The following FAT1 variants were observed in gnomAD, a reference collection of about 807,000 sequenced individuals.
FAT1 encodes FAT atypical cadherin 1.
FAT1 carries 171 observed loss-of-function variants against 329.8 expected under a neutral mutation model. The ratio of observed to expected loss-of-function variants is 0.52; its 90% CI spans 0.46 to 0.59. The LOEUF (loss-of-function observed/expected upper bound fraction) is 0.59. Ranked by LOEUF, FAT1 falls within the 20% of genes least tolerant of loss-of-function variation. FAT1 has a pLI of 0.00. For synonymous variants in FAT1, 2,233 were observed against 2,228.6 expected (o/e 1.00, Z -0.06); for missense variants, 5,672 against 5,774.4 (o/e 0.98, Z 0.57).
rs1451301019 is a variant in FAT1, at chr4:186,620,597, T to C, written c.5989A>G (p.Thr1997Ala). The C allele has an allele frequency of 1.9e-6, 3 of 1,613,866 alleles. No homozygotes were observed. Among genetic ancestry groups the C allele is most frequent in the South Asian group, 1.1e-5 (1 of 91,078 alleles). ...CCAATAGCAGTAATGACAGCTAATG[T>C]TTCGGCCTCGGTGGAATTCTCTTTC... ...VVKENSTEAE[T>A]LAVITAIGNP... Residue 1997 changes from threonine (T) to alanine (A), a missense_variant, in exon 10 of 27, where the codon ACA (threonine) becomes GCA (alanine). Transcript: ENST00000441802.
rs529331339 is a variant in FAT1, at chr4:186,708,086, T to A, written c.1742A>T (p.Asp581Val). 5 of 1,613,970 alleles carry A rather than the reference T, an allele frequency of 3.1e-6. No homozygotes were observed. In the East Asian group the frequency reaches 1.1e-4, roughly 36 times the overall value. The change falls in exon 2 of 27, where the codon GAT becomes GTT. Residue 581 changes from aspartate to valine, a missense_variant. By Grantham distance (152) the Asp-to-Val change is radical. Transcript: ENST00000441802. ...KINCEGTIPR[D>V]LGVGEQITTV... is the part of the protein sequence containing the mutation. Reference sequence around the variant, plus strand: ...GGTTATTTGCTCTCCCACGCCTAGATCTCTGGGAATTGTCCCTTCACAATT... The same window carrying A: ...GGTTATTTGCTCTCCCACGCCTAGAACTCTGGGAATTGTCCCTTCACAATT...
intron 17 of FAT1, 28 bp from the exon 18 acceptor site, chr4:186,604,602 C>A (rs547721109): frequency 6.5e-7 from 1 of 1,541,008 alleles, no homozygotes; most frequent in Non-Finnish European, 8.8e-7. Flanking sequence ...CAAAATTAAA[C>A]AAAAATCCTG....
chr4:186,613,283 C>G lies in FAT1; in HGVS notation c.9289G>C (p.Val3097Leu), dbSNP rs768112959. The change falls in exon 13 of 27, where the codon GTC becomes CTC. Residue 3097 changes from valine (V) to leucine (L), a missense_variant. Coordinates refer to ENST00000441802, the MANE Select transcript of FAT1 (RefSeq NM_005245.4). ...CTTCCTCCTCCATCTGTGGCCCTGACGAGAAGATGATAAACAGCTTGCTCC... is the reference window on the plus strand; with the variant it reads ...CTTCCTCCTCCATCTGTGGCCCTGAGGAGAAGATGATAAACAGCTTGCTCC... ...REEQAVYHLL[V>L]RATDGGGRFC... The G allele has an allele frequency of 5.0e-6, 8 of 1,613,830 alleles. No homozygotes were observed. The highest frequency in any genetic ancestry group is 6.8e-6 in the Non-Finnish European group (8 of 1,179,890).
rs892910041 is a variant in FAT1 at position 186,619,272 on chromosome 4, A to G, written c.7314T>C (p.Phe2438=). The G allele has an allele frequency of 1.2e-6, 2 of 1,613,932 alleles. No homozygotes were observed. Among genetic ancestry groups the G allele is most frequent in the Non-Finnish European group, 1.7e-6 (2 of 1,179,912 alleles). Residue 2438 remains phenylalanine, a synonymous_variant, in exon 10 of 27, where the codon TTT becomes TTC. Transcript: ENST00000441802. ...SILSGNDHKH[F]VIDSATGIIT... Reference sequence around the variant, plus strand: ...TAATCCCTGTTGCACTGTCAATGACAAAATGTTTATGATCATTGCCAGACA... The same window carrying G: ...TAATCCCTGTTGCACTGTCAATGACGAAATGTTTATGATCATTGCCAGACA...
intron 3 of FAT1, among the ~76,000 whole-genome samples, chr4:186,646,426 T>C (rs1560963598): frequency 6.6e-6 from 1 of 152,198 alleles, no homozygotes; most frequent in African/African-American, 2.4e-5. Flanking sequence ...CTGTGATGAT[T>C]TGTGTGTTCT....
intron 2 of FAT1, 51 bp from the exon 3 acceptor site, chr4:186,663,664 C>T (rs1579411011): frequency 7.0e-7 from 1 of 1,437,862 alleles, no homozygotes; most frequent in Non-Finnish European, 9.4e-7. Context: ...ACCAAAACTG[C>T]CAGCTTCAGA....
In FAT1 at chr4:186,663,504, GATCTC is replaced by G; in HGVS notation, c.3370_3374del (p.Glu1124LeufsTer5). ...CATTGACATCCTCAACCTCTATGTA[GATCTC>G]TATGAACGATGAAAGAGGCACGACA... On this transcript the variant is annotated frameshift_variant, in exon 3 of 27. Transcript: ENST00000441802. LOFTEE classifies it high-confidence loss of function. The G allele has an allele frequency of 6.2e-7, 1 of 1,613,960 alleles. No homozygotes were observed. Among genetic ancestry groups the G allele is most frequent in the Non-Finnish European group, 8.5e-7 (1 of 1,179,894 alleles).
At position 186,709,197 on chromosome 4, in the gene FAT1, C is replaced by A. The variant is rs2126702271; in HGVS notation, c.631G>T (p.Asp211Tyr). ...SGVIVLTGRL[D>Y]YLETKLYEME... ...TCATAGAGCTTGGTCTCTAGGTAAT[C>A]AAGTCTACCAGTTAACACTATCACA... Residue 211 changes from aspartate (D) to tyrosine (Y), a missense_variant, in exon 2 of 27, where the codon GAT becomes TAT. Around this residue, in one of 2 missense-constraint regions of FAT1, gnomAD observed 3,966 missense variants for 3,915.2 expected, o/e 1.01. Coordinates refer to ENST00000441802, the MANE Select transcript of FAT1 (RefSeq NM_005245.4). 6.2e-7 allele frequency: 1 copy of A among 1,613,984 alleles called. No individual in the cohort carries two copies. Among genetic ancestry groups the A allele is most frequent in the South Asian group, 1.1e-5 (1 of 91,076 alleles).
At chr4:186,590,759 A>C in intron 26 of FAT1, 1 of 438,634 alleles carries the variant, frequency 2.3e-6, no homozygotes. Context: ...ATAAAATATA[A>C]ACTGATCAGA....
At chr4:186,722,703 G>A (rs1376795462) in intron 1 of FAT1, among the ~76,000 whole-genome samples, 2 of 152,102 alleles carry the variant, frequency 1.3e-5, no homozygotes, top group Non-Finnish European at 2.9e-5. Context: ...TTAAACTATC[G>A]AAACCTGTAT....
intron 2 of FAT1, among the ~76,000 whole-genome samples, chr4:186,669,124 C>T (rs532582757): frequency 5.3e-5 from 8 of 152,308 alleles, no homozygotes; most frequent in African/African-American, 1.4e-4. Context: ...CTCCTGTCTT[C>T]GGCATCTCCT....
intron 1 of FAT1, among the ~76,000 whole-genome samples, chr4:186,721,650 G>A (rs1745474362): frequency 6.6e-6 from 1 of 151,646 alleles, no homozygotes; most frequent in Non-Finnish European, 1.5e-5. Flanking sequence ...TTGATTCTAC[G>A]TAAAATCAGC....
intron 3 of FAT1, among the ~76,000 whole-genome samples, chr4:186,648,411 A>G (rs1203933919): frequency 6.6e-6 from 1 of 152,206 alleles, no homozygotes; most frequent in Non-Finnish European, 1.5e-5. Flanking sequence ...ATATGGCCAC[A>G]CATATAAAAA....
At chr4:186,633,590 G>A in intron 7 of FAT1, 94 bp downstream of exon 7, 1 of 1,369,254 alleles carries the variant, frequency 7.3e-7, no homozygotes, top group Non-Finnish European at 1.0e-6. Context: ...ACCCTCACAG[G>A]GCAGAATCCA....
intron 11 of FAT1, among the ~76,000 whole-genome samples, chr4:186,615,055 T>C (rs1052302952): frequency 3.3e-5 from 5 of 152,050 alleles, no homozygotes; most frequent in African/African-American, 1.2e-4. Context: ...ACCAGTGAAG[T>C]ACTCACGGAA....
In FAT1 at chr4:186,692,399, G is replaced by A. The variant is rs916927440; in HGVS notation, c.3265+14164C>T. ...GCAATCTCGGTTCACTGCAAGCTCC[G>A]CCTCCCGGGTTCACGCCATTCTCCT... On this transcript the variant is annotated intron_variant, in intron 2 of 26. Transcript: ENST00000441802. Among the ~76,000 whole-genome samples, 27 of 152,088 alleles carry A rather than the reference G, an allele frequency of 1.8e-4. No homozygotes were observed. In the East Asian group the frequency reaches 4.1e-3, roughly 23 times the overall value.
chr4:186,601,658 A>G, intron 20 of FAT1: 2 of 374,116 alleles, frequency 5.3e-6, no homozygotes. Flanking sequence ...AATGAATTCT[A>G]AAGTAATGAA....
chr4:186,721,284 T>C (rs1029109870), intron 1 of FAT1, among the ~76,000 whole-genome samples: 1 of 152,228 alleles, frequency 6.6e-6, no homozygotes, highest in Admixed American at 6.5e-5. Flanking sequence ...AATATGCAGA[T>C]TCCTCATCAG....
At chr4:186,615,052 A>C (rs1201055429) in intron 11 of FAT1, among the ~76,000 whole-genome samples, 2 of 152,182 alleles carry the variant, frequency 1.3e-5, no homozygotes, top group Non-Finnish European at 2.9e-5. Flanking sequence ...ACTACCAGTG[A>C]AGTACTCACG....
Sources: gnomAD v4.1 joint callset for allele counts (sites outside exome capture counted in the v4.1 genomes callset) on GRCh38, gnomAD v4.1.1 for gene constraint, gnomAD v4.1.1 regional missense constraint, MANE v1.5 for transcripts, NCBI Gene and HGNC (gene_info 2026-07-23, HGNC 2026-07-21) for gene names.